The following SPPL2B variants were observed in gnomAD, a reference collection of about 807,000 sequenced individuals.
The protein encoded by SPPL2B is signal peptide peptidase-like 2B.
Under a neutral mutation model 59.7 loss-of-function variants are expected in SPPL2B, and 39 were observed. The ratio of observed to expected loss-of-function variants is 0.65; its 90% CI spans 0.51 to 0.85. SPPL2B has a LOEUF of 0.85. Among genes scored for constraint, SPPL2B ranks in the 40% least tolerant of loss-of-function variants. The pLI is 0.00. For synonymous variants in SPPL2B, 419 were observed against 370.8 expected (o/e 1.13, Z -1.49); for missense variants, 865 against 849.0 (o/e 1.02, Z -0.23).
intron 1 of SPPL2B, 80 bp downstream of exon 1, chr19:2,328,855 A>T: frequency 8.3e-7 from 1 of 1,200,006 alleles, no homozygotes; most frequent in Non-Finnish European, 1.1e-6. Flanking sequence ...CGCAGGAACG[A>T]CCCCGCTCGG....
chr19:2,344,130 C>G lies in SPPL2B; in HGVS notation c.1113+91C>G, dbSNP rs1290365771. On this transcript the variant is annotated intron_variant, in intron 10 of 14. Coordinates refer to ENST00000613503, the MANE Select transcript of SPPL2B (RefSeq NM_152988.3). The stretch of plus-strand genomic sequence containing the variant: ...CCCATCACCCCCCCCATCACCCCGC[C>G]CCCTCGTCCCGCCCCCTCGTCCCCC... The G allele has an allele frequency of 4.7e-6, 3 of 642,130 alleles. No individual in the cohort carries two copies. In the African/African-American group the frequency reaches 7.0e-5, roughly 15 times the overall value. 39.8% of individuals were successfully genotyped at this position (642,130 alleles called of 1,614,324 possible). A position where few individuals can be genotyped will look rare whatever the true frequency, so the allele number is the denominator to read the frequency against.
rs1968577044 is a variant in SPPL2B, at chr19:2,335,959, GTGTT to G, written c.186+1240_186+1243del. Among the ~76,000 whole-genome samples the G allele has an allele frequency of 2.0e-5, 3 of 150,398 alleles. No homozygotes were observed. In the South Asian group the frequency reaches 6.3e-4, roughly 31 times the overall value. ...TCAGTGTATGTGTGCATGTGCCTGA[GTGTT>G]TTTTTGTGTGTGAACACATAGGTGT... On this transcript the variant is annotated intron_variant, in intron 2 of 14. Coordinates refer to ENST00000613503, the MANE Select transcript of SPPL2B (RefSeq NM_152988.3).
intron 14 of SPPL2B, among the ~76,000 whole-genome samples, chr19:2,352,029 G>A (rs1292087249): frequency 1.3e-5 from 2 of 152,212 alleles, no homozygotes; most frequent in Admixed American, 6.5e-5. Context: ...GGCCCTGGAC[G>A]AGGGGAGCAG....
chr19:2,346,314 G>C (rs905951922), intron 13 of SPPL2B, among the ~76,000 whole-genome samples: 1 of 152,244 alleles, frequency 6.6e-6, no homozygotes, highest in African/African-American at 2.4e-5. Flanking sequence ...TCCTGCAGCT[G>C]CAGGTGCCCC....
intron 8 of SPPL2B, 96 bp downstream of exon 8, chr19:2,341,110 C>T (rs1215017962): frequency 1.2e-6 from 1 of 838,302 alleles, no homozygotes; most frequent in East Asian, 2.6e-5. Flanking sequence ...CTGGAGGCCG[C>T]CCCAGCCTGG....
At position 2,332,712 on chromosome 19, in the gene SPPL2B, C is replaced by T. The variant is rs1968346795; in HGVS notation, c.67-1890C>T. Among the ~76,000 whole-genome samples, 1 of 152,130 alleles carries T rather than the reference C, an allele frequency of 6.6e-6. No homozygotes were observed. Among genetic ancestry groups the T allele is most frequent in the African/African-American group, 2.4e-5 (1 of 41,422 alleles). On this transcript the variant is annotated intron_variant, in intron 1 of 14. Transcript: ENST00000613503. The surrounding 1 kb of genome is among the most constrained non-coding windows in gnomAD (Gnocchi z 4.6). ...AGGGCATGGGGTGGGTCTCCTTGGT[C>T]CCTGGCACGTGGTTTTTCTTCTGGG...
chr19:2,337,893 C>T, intron 3 of SPPL2B: 1 of 443,100 alleles, frequency 2.3e-6, no homozygotes, highest in Non-Finnish European at 4.0e-6. Context: ...TGTCCTAGAG[C>T]AGCCCCCAGG....
chr19:2,344,103 GCCCCATCACCCC>G lies in SPPL2B; in HGVS notation c.1113+77_1113+88del, dbSNP rs1041990629. On this transcript the variant is annotated intron_variant, in intron 10 of 14. Coordinates refer to ENST00000613503, the MANE Select transcript of SPPL2B (RefSeq NM_152988.3). ...GCTCCCCCGCCCCCTCGCAACCCCC[GCCCCATCACCCC>G]CCCCATCACCCCGCCCCCTCGTCCC... 1.5e-4 allele frequency: 111 copies of G among 721,944 alleles called. 1 individual carries two copies. The East Asian group carries it at 5.6e-3, about 36-fold the overall frequency. 44.7% of individuals were successfully genotyped at this position (721,944 alleles called of 1,614,324 possible). A position where few individuals can be genotyped will look rare whatever the true frequency, so the allele number is the denominator to read the frequency against.
At chr19:2,329,613 C>T (rs182574766) in intron 1 of SPPL2B, among the ~76,000 whole-genome samples, 4 of 152,356 alleles carry the variant, frequency 2.6e-5, no homozygotes, top group Non-Finnish European at 4.4e-5. Flanking sequence ...ACCTTCACTA[C>T]CCCCTCAGAG....
At chr19:2,352,732 G>A (rs1377873691) in intron 14 of SPPL2B, among the ~76,000 whole-genome samples, 1 of 152,154 alleles carries the variant, frequency 6.6e-6, no homozygotes, top group Non-Finnish European at 1.5e-5. Flanking sequence ...TGCTGGCCTC[G>A]GATGGCCCTC....
chr19:2,343,442 G>A (rs1969173332), intron 9 of SPPL2B, 150 bp downstream of exon 9: 1 of 742,056 alleles, frequency 1.3e-6, no homozygotes, highest in African/African-American at 1.8e-5. Flanking sequence ...TGAAGGGTGG[G>A]GCTTGAAGAT....
chr19:2,335,044 A>AGGGCACAG lies in SPPL2B; in HGVS notation c.186+324_186+331dup, dbSNP rs1441285291. Among the ~76,000 whole-genome samples the AGGGCACAG allele has an allele frequency of 3.3e-3, 496 of 152,192 alleles. 2 individuals are homozygous for AGGGCACAG. The highest frequency in any genetic ancestry group is 0.011 in the African/African-American group (462 of 41,498). On this transcript the variant is annotated intron_variant, in intron 2 of 14. Coordinates refer to ENST00000613503, the MANE Select transcript of SPPL2B (RefSeq NM_152988.3). The stretch of plus-strand genomic sequence containing the variant: ...GGGGTCCTCAGAGGAGTAACAGCAG[A>AGGGCACAG]GGGCACAGTGGGGCCCCAGGGACGA...
intron 1 of SPPL2B, among the ~76,000 whole-genome samples, chr19:2,333,385 C>T (rs1428930937): frequency 3.9e-5 from 6 of 152,254 alleles, no homozygotes; most frequent in East Asian, 1.9e-4. Context: ...CTGGGAGGAC[C>T]GTGGTTCTGC....
In SPPL2B at chr19:2,332,211, G is replaced by A. The variant is rs1335833096; in HGVS notation, c.67-2391G>A. 6.6e-6 allele frequency among the ~76,000 whole-genome samples: 1 copy of A among 152,202 alleles called. No individual in the cohort carries two copies. The highest frequency in any genetic ancestry group is 2.1e-4 in the South Asian group (1 of 4,838). ...AGACCCCCAGTCGATTGTGGGGACC[G>A]GGGCTCCGTGGGCTTTCACCATGCT... On this transcript the variant is annotated intron_variant, in intron 1 of 14. Transcript: ENST00000613503. The surrounding 1 kb of genome is among the most constrained non-coding windows in gnomAD (Gnocchi z 4.6).
intron 3 of SPPL2B, 48 bp downstream of exon 3, chr19:2,337,673 G>A (rs772221593): frequency 8.1e-6 from 12 of 1,490,220 alleles, no homozygotes; most frequent in Admixed American, 2.2e-5. Flanking sequence ...GGGGCAGGAG[G>A]GGGGTGCAGG....
chr19:2,336,130 TTGTG>T (rs1218594168), intron 2 of SPPL2B, among the ~76,000 whole-genome samples: 3 of 152,174 alleles, frequency 2.0e-5, no homozygotes, highest in African/African-American at 2.4e-5. Flanking sequence ...TAGTGCGTGT[TTGTG>T]TGTCAGCACA....
Position 2,333,302 on chromosome 19 carries a change from G to A in SPPL2B, c.67-1300G>A, listed in dbSNP as rs563147420. On this transcript the variant is annotated intron_variant, in intron 1 of 14. Coordinates refer to ENST00000613503, the MANE Select transcript of SPPL2B (RefSeq NM_152988.3). ...GAGGAGGTGGGGACGGCAGGTGCGG[G>A]AGGCTGGACTGGGCTTTGCGGGAGC... Among the ~76,000 whole-genome samples, 391 of 147,706 alleles carry A rather than the reference G, an allele frequency of 2.6e-3. 1 individual carries two copies. The highest frequency in any genetic ancestry group is 7.6e-3 in the Middle Eastern group (2 of 264).
chr19:2,351,636 G>A (rs1323966265), intron 14 of SPPL2B, 42 bp downstream of exon 14: 1 of 1,578,900 alleles, frequency 6.3e-7, no homozygotes, highest in Admixed American at 1.7e-5. Flanking sequence ...TACTCGCCTA[G>A]TGAGCCCTAA....
chr19:2,353,388 GC>G lies in SPPL2B; in HGVS notation c.*182del. On this transcript the variant is annotated 3_prime_UTR_variant, in exon 15 of 15. Transcript: ENST00000613503. ...CCCCTGCGGTCTGTGCCCGCGCCCA[GC>G]CCAGCTGCCCCGGCTGCACGCCTGC... The G allele has an allele frequency of 1.4e-6, 1 of 734,930 alleles. No homozygotes were observed. The highest frequency in any genetic ancestry group is 2.1e-6 in the Non-Finnish European group (1 of 471,004). The allele number at this position is 734,930 out of a possible 1,614,324, so 45.5% of individuals were successfully genotyped here. A position where few individuals can be genotyped will look rare whatever the true frequency, so the allele number is the denominator to read the frequency against.
Sources: allele counts gnomAD v4.1 joint callset (sites outside exome capture counted in the v4.1 genomes callset), GRCh38; gene constraint gnomAD v4.1.1; non-coding constraint Gnocchi (gnomAD v3.1); transcripts MANE v1.5; gene names NCBI Gene and HGNC (gene_info 2026-07-23, HGNC 2026-07-21).